Variants in PTPRD observed in about 807,000 individuals in gnomAD.
PTPRD encodes protein tyrosine phosphatase receptor type D.
In PTPRD, 34 loss-of-function variants were observed where a neutral mutation model predicts 214.5. That is an observed-to-expected ratio of 0.16 (90% CI 0.12 to 0.21). The LOEUF (loss-of-function observed/expected upper bound fraction) is 0.21, where lower values mean the gene tolerates loss of function less well. Ranked by LOEUF, PTPRD falls within the 10% of genes least tolerant of loss-of-function variation. PTPRD has a pLI of 1.00. For missense variants in PTPRD, 2,545 were observed against 2,398.7 expected, an observed-to-expected ratio of 1.06 and a Z score of -1.27; for synonymous variants, 1,128 against 845.7, an observed-to-expected ratio of 1.33 and a Z score of -5.79.
chr9:9,864,807 C>T (rs983909820), intron 5 of PTPRD, among the ~76,000 whole-genome samples: 4 of 152,048 alleles, frequency 2.6e-5, no homozygotes, highest in African/African-American at 9.7e-5. Flanking sequence ...AACCACCAGC[C>T]CCAACCCAGC....
chr9:9,621,692 G>A (rs2095246139), intron 7 of PTPRD, among the ~76,000 whole-genome samples: 1 of 152,086 alleles, frequency 6.6e-6, no homozygotes, highest in Non-Finnish European at 1.5e-5. Context: ...CTGGTTTTAG[G>A]GGCATTCTAT....
rs542234585 is a variant in PTPRD, at chr9:8,616,521, A to C, written c.352+16796T>G. Reference sequence around the variant, plus strand: ...CTTACTTCAGACTCTAGGCAGACTGAATAAAGAATGATAACCATAGATTAG... The same window carrying C: ...CTTACTTCAGACTCTAGGCAGACTGCATAAAGAATGATAACCATAGATTAG... On this transcript the variant is annotated intron_variant, in intron 14 of 45. Coordinates refer to ENST00000381196, the MANE Select transcript of PTPRD (RefSeq NM_002839.4). 3.3e-5 allele frequency among the ~76,000 whole-genome samples: 5 copies of C among 152,292 alleles called. No homozygotes were observed. In the South Asian group the frequency reaches 1.0e-3, roughly 32 times the overall value.
In PTPRD at chr9:8,652,421, A is replaced by G. The variant is rs117184565; in HGVS notation, c.65-15577T>C. On this transcript the variant is annotated intron_variant, in intron 12 of 45. Coordinates refer to ENST00000381196, the MANE Select transcript of PTPRD (RefSeq NM_002839.4). ...CGGCTATTGTTCACAGCATAAACAG[A>G]AGCTGTGGCTGACAGCTGATGGGCC... 6.1e-3 allele frequency among the ~76,000 whole-genome samples: 931 copies of G among 152,332 alleles called. 14 individuals carry two copies. Among genetic ancestry groups the G allele is most frequent in the East Asian group, 0.048 (247 of 5,178 alleles).
At chr9:9,208,311 G>A (rs1379545809) in intron 9 of PTPRD, among the ~76,000 whole-genome samples, 1 of 151,624 alleles carries the variant, frequency 6.6e-6, no homozygotes, top group African/African-American at 2.4e-5. Context: ...ACCAAGCCCC[G>A]CCATCTGCTT....
intron 4 of PTPRD, among the ~76,000 whole-genome samples, chr9:10,002,592 G>C (rs973303657): frequency 4.7e-5 from 7 of 150,150 alleles, no homozygotes; most frequent in African/African-American, 1.7e-4. Context: ...TAGCACAAAA[G>C]AAGAATATTT....
At chr9:8,887,427 T>C (rs1354361787) in intron 11 of PTPRD, among the ~76,000 whole-genome samples, 2 of 152,196 alleles carry the variant, frequency 1.3e-5, no homozygotes, top group East Asian at 3.8e-4. Flanking sequence ...CCAAAATGAT[T>C]CAGTCACTGG....
chr9:9,646,527 T>G (rs777919320), intron 7 of PTPRD, among the ~76,000 whole-genome samples: 7 of 152,184 alleles, frequency 4.6e-5, no homozygotes, highest in Admixed American at 1.3e-4. Flanking sequence ...TGTATCAGAA[T>G]GTAGGTATTA....
At chr9:9,121,239 T>C (rs899261469) in intron 10 of PTPRD, among the ~76,000 whole-genome samples, 12 of 152,196 alleles carry the variant, frequency 7.9e-5, no homozygotes, top group African/African-American at 2.4e-4. Context: ...TGTAAACTAA[T>C]ACAGCTGCTG....
intron 2 of PTPRD, among the ~76,000 whole-genome samples, chr9:10,581,115 C>G (rs2071597126): frequency 6.6e-6 from 1 of 152,056 alleles, no homozygotes; most frequent in African/African-American, 2.4e-5. Context: ...TTCCTCCTTT[C>G]TAAAATAAAG....
chr9:9,564,884 GTTTTTTTTTT>G (rs1191664969), intron 8 of PTPRD, among the ~76,000 whole-genome samples: 1,335 of 48,816 alleles, frequency 0.027, 16 homozygotes, highest in African/African-American at 0.089. Flanking sequence ...TGAATCTTCT[GTTTTTTTTTT>G]TTTTTTTTTT....
At chr9:9,722,049 T>C (rs907413234) in intron 7 of PTPRD, among the ~76,000 whole-genome samples, 1 of 151,198 alleles carries the variant, frequency 6.6e-6, no homozygotes, top group Non-Finnish European at 1.5e-5. Flanking sequence ...TCCCAGTTTC[T>C]TTTTTTTCTC....
At chr9:8,498,927 T>A (rs2097336597) in intron 25 of PTPRD, among the ~76,000 whole-genome samples, 1 of 152,200 alleles carries the variant, frequency 6.6e-6, no homozygotes, top group Non-Finnish European at 1.5e-5. Flanking sequence ...TGCTCTGTTT[T>A]AAACAACTAA....
At chr9:8,465,296 C>T (rs1339612577) in intron 32 of PTPRD, among the ~76,000 whole-genome samples, 170 bp downstream of exon 32, 1 of 151,820 alleles carries the variant, frequency 6.6e-6, no homozygotes, top group Non-Finnish European at 1.5e-5. Context: ...AATGCAGTCT[C>T]AAGGAGTATA....
Position 8,454,473 on chromosome 9 carries a change from A to G in PTPRD, c.3876-4636T>C, listed in dbSNP as rs183788354. 80 of 1,120,296 alleles carry G rather than the reference A, an allele frequency of 7.1e-5. No homozygotes were observed. In the East Asian group the frequency reaches 1.9e-3, roughly 27 times the overall value. The allele number at this position is 1,120,296 out of a possible 1,614,324, so 69.4% of individuals were successfully genotyped here. Reference sequence around the variant, plus strand: ...TTTGCCCATCTTCCACGTGCCAGGTATTATCTTTTGTGTGCAGCCCCGCCC... The same window carrying G: ...TTTGCCCATCTTCCACGTGCCAGGTGTTATCTTTTGTGTGCAGCCCCGCCC... On this transcript the variant is annotated intron_variant, in intron 33 of 45. Transcript: ENST00000381196.
intron 11 of PTPRD, among the ~76,000 whole-genome samples, chr9:8,977,888 AC>A (rs1339039990): frequency 3.9e-5 from 6 of 152,126 alleles, no homozygotes; most frequent in Non-Finnish European, 7.4e-5. Context: ...AGCAGGTCTT[AC>A]AGAGAAAGGT....
chr9:9,292,202 ATC>A (rs1951397529), intron 9 of PTPRD, among the ~76,000 whole-genome samples: 1 of 150,914 alleles, frequency 6.6e-6, no homozygotes. Flanking sequence ...TCTTTCCCAT[ATC>A]TCTCTCAATA....
At chr9:9,083,170 A>C (rs1333450476) in intron 10 of PTPRD, among the ~76,000 whole-genome samples, 1 of 152,196 alleles carries the variant, frequency 6.6e-6, no homozygotes, top group Non-Finnish European at 1.5e-5. Context: ...GGCTACAGTA[A>C]CCAAAACAGC....
chr9:9,151,488 G>A (rs1251917252), intron 10 of PTPRD, among the ~76,000 whole-genome samples: 1 of 152,118 alleles, frequency 6.6e-6, no homozygotes, highest in African/African-American at 2.4e-5. Context: ...AAATGAAATT[G>A]GACTTGAAGT....
At chr9:9,051,040 A>G (rs2099684235) in intron 10 of PTPRD, among the ~76,000 whole-genome samples, 1 of 152,184 alleles carries the variant, frequency 6.6e-6, no homozygotes, top group African/African-American at 2.4e-5. Context: ...ATTTTTTCCA[A>G]CAAAGATAAT....
Sources: allele counts gnomAD v4.1 joint callset (sites outside exome capture counted in the v4.1 genomes callset), GRCh38; gene constraint gnomAD v4.1.1; transcripts MANE v1.5; gene names NCBI Gene and HGNC (gene_info 2026-07-23, HGNC 2026-07-21).